Variants in CSNK2B observed in about 807,000 individuals in gnomAD.
CSNK2B encodes the protein casein kinase II subunit beta.
A neutral mutation model predicts 28.8 loss-of-function variants in CSNK2B; 2 were observed. The observed-to-expected ratio is 0.07, with a 90% CI of 0.03 to 0.22. The LOEUF (loss-of-function observed/expected upper bound fraction) is 0.22, where lower values mean the gene tolerates loss of function less well. Ranked by LOEUF, CSNK2B falls within the 10% of genes least tolerant of loss-of-function variation. The pLI is 1.00. For synonymous variants in CSNK2B, 89 were observed against 96.1 expected, an observed-to-expected ratio of 0.93 and a Z score of 0.43; for missense variants, 107 against 277.9, an observed-to-expected ratio of 0.39 and a Z score of 4.37.
rs755230275 is a variant in CSNK2B, at chr6:31,669,054, C to T, written c.292-43C>T. Reference sequence around the variant, plus strand: ...TGGGCTGCGAAGGGAGTTGCCTCTTCTTTACATCTACCTGCCAACCCCTTC... The same window carrying T: ...TGGGCTGCGAAGGGAGTTGCCTCTTTTTTACATCTACCTGCCAACCCCTTC... On this transcript the variant is annotated intron_variant, in intron 4 of 6. Transcript: ENST00000375882. This position sits in a 1 kb window ranked among gnomAD's most constrained non-coding sequence, Gnocchi z 4.8. 2 of 1,529,966 alleles carry T rather than the reference C, an allele frequency of 1.3e-6. No homozygotes were observed. Among genetic ancestry groups the T allele is most frequent in the Non-Finnish European group, 1.8e-6 (2 of 1,104,590 alleles). 94.8% of individuals were successfully genotyped at this position (1,529,966 alleles called of 1,614,324 possible). A position where few individuals can be genotyped will look rare whatever the true frequency, so the allele number is the denominator to read the frequency against.
intron 1 of CSNK2B, 25 bp downstream of exon 1, chr6:31,666,233 C>T (rs1248557177): frequency 8.2e-6 from 8 of 980,180 alleles, no homozygotes; most frequent in Non-Finnish European, 9.7e-6. Flanking sequence ...GTCGCTGCTC[C>T]GAGTCCCTTG....
chr6:31,666,746 C>T (rs1801741539), intron 1 of CSNK2B, 75 bp from the exon 2 acceptor site: 5 of 1,240,926 alleles, frequency 4.0e-6, no homozygotes, highest in East Asian at 2.3e-5. Context: ...GTTGGAGGGC[C>T]GAATGTGGGA....
At chr6:31,667,169 T>C in intron 2 of CSNK2B, 1 of 631,930 alleles carries the variant, frequency 1.6e-6, no homozygotes, top group South Asian at 1.5e-5. Flanking sequence ...TCTCACTCTG[T>C]CACCGAGGCT....
In CSNK2B at chr6:31,669,520, G is replaced by C. The variant is rs1802032502; in HGVS notation, c.557+12G>C. On this transcript the variant is annotated intron_variant, in intron 6 of 6. Coordinates refer to ENST00000375882, the MANE Select transcript of CSNK2B (RefSeq NM_001320.7). The surrounding 1 kb of genome is among the most constrained non-coding windows in gnomAD (Gnocchi z 4.8). ...CAGTTTGTGCCCAGGTAGGGAGCAG[G>C]GAGAGTCATTAAGGGTCAAAGGAAA... 1 of 1,604,224 alleles carries C rather than the reference G, an allele frequency of 6.2e-7. No homozygotes were observed. Among genetic ancestry groups the C allele is most frequent in the African/African-American group, 1.3e-5 (1 of 74,932 alleles).
In CSNK2B at chr6:31,670,027, T is replaced by C. The variant is rs1802077256; in HGVS notation, c.*101T>C. 5 of 949,438 alleles carry C rather than the reference T, an allele frequency of 5.3e-6. No individual in the cohort carries two copies. Among genetic ancestry groups the C allele is most frequent in the East Asian group, 2.7e-5 (1 of 36,506 alleles). 58.8% of individuals were successfully genotyped at this position (949,438 alleles called of 1,614,324 possible). The stretch of plus-strand genomic sequence containing the variant: ...TTTTAGTTTAAATTAAAGGAGTCGT[T>C]ATCGTGGTGGGAATATGAAATAAAG... On this transcript the variant is annotated 3_prime_UTR_variant, in exon 7 of 7. Coordinates refer to ENST00000375882, the MANE Select transcript of CSNK2B (RefSeq NM_001320.7).
chr6:31,666,150 C>T lies in CSNK2B; in HGVS notation c.-70C>T. 1 of 991,086 alleles carries T rather than the reference C, an allele frequency of 1.0e-6. No individual in the cohort carries two copies. The highest frequency in any genetic ancestry group is 1.2e-6 in the Non-Finnish European group (1 of 832,596). The allele number at this position is 991,086 out of a possible 1,614,324, so 61.4% of individuals were successfully genotyped here. A position where few individuals can be genotyped will look rare whatever the true frequency, so the allele number is the denominator to read the frequency against. On this transcript the variant is annotated 5_prime_UTR_variant, in exon 1 of 7. Coordinates refer to ENST00000375882, the MANE Select transcript of CSNK2B (RefSeq NM_001320.7). Reference sequence around the variant, plus strand: ...GCGGCCTGCGCTGTAGCGGTCGCCGCCGTTCCCTGGAAGTAGCAACTTCCC... The same window carrying T: ...GCGGCCTGCGCTGTAGCGGTCGCCGTCGTTCCCTGGAAGTAGCAACTTCCC...
intron 2 of CSNK2B, 108 bp downstream of exon 2, chr6:31,667,011 T>G: frequency 1.0e-6 from 1 of 982,138 alleles, no homozygotes; most frequent in Admixed American, 1.9e-5. Flanking sequence ...ATTTGAAAAC[T>G]TCCTATCAGC....
Position 31,669,611 on chromosome 6 carries a change from A to G in CSNK2B, c.557+103A>G. On this transcript the variant is annotated intron_variant, in intron 6 of 6. Coordinates refer to ENST00000375882, the MANE Select transcript of CSNK2B (RefSeq NM_001320.7). This position sits in a 1 kb window ranked among gnomAD's most constrained non-coding sequence, Gnocchi z 4.8. The stretch of plus-strand genomic sequence containing the variant: ...CTTTCTTGAGGTCTGCTTCTCCCAG[A>G]ATCAGGGCATCTCCCTGCTGAGTGA... 7.7e-7 allele frequency: 1 copy of G among 1,300,710 alleles called. No individual in the cohort carries two copies. Among genetic ancestry groups the G allele is most frequent in the Non-Finnish European group, 1.1e-6 (1 of 942,566 alleles). 80.6% of individuals were successfully genotyped at this position (1,300,710 alleles called of 1,614,324 possible).
chr6:31,667,861 C>A lies in CSNK2B; in HGVS notation c.73-7C>A, dbSNP rs1364555984. The A allele has an allele frequency of 6.7e-7, 1 of 1,481,934 alleles. No homozygotes were observed. Among genetic ancestry groups the A allele is most frequent in the East Asian group, 2.4e-5 (1 of 41,198 alleles). 91.8% of individuals were successfully genotyped at this position (1,481,934 alleles called of 1,614,324 possible). On this transcript the variant is annotated splice_polypyrimidine_tract_variant and splice_region_variant and intron_variant, in intron 2 of 6. Coordinates refer to ENST00000375882, the MANE Select transcript of CSNK2B (RefSeq NM_001320.7). ...TGGGTTCCCTCTTGGCTTCCATGTCCTGACAGGTGGATGAAGACTACATCC... is the reference window on the plus strand; with the variant it reads ...TGGGTTCCCTCTTGGCTTCCATGTCATGACAGGTGGATGAAGACTACATCC...
intron 1 of CSNK2B, 47 bp downstream of exon 1, chr6:31,666,255 GGC>G: frequency 1.1e-6 from 1 of 922,108 alleles, no homozygotes; most frequent in Non-Finnish European, 1.3e-6. Context: ...CGCTGGGAGC[GGC>G]ACATGGGGTC....
Position 31,669,610 on chromosome 6 carries a change from G to T in CSNK2B, c.557+102G>T. 7.6e-7 allele frequency: 1 copy of T among 1,312,056 alleles called. No individual in the cohort carries two copies. The highest frequency in any genetic ancestry group is 1.4e-5 in the South Asian group (1 of 73,350). The allele number at this position is 1,312,056 out of a possible 1,614,324, so 81.3% of individuals were successfully genotyped here. On this transcript the variant is annotated intron_variant, in intron 6 of 6. Coordinates refer to ENST00000375882, the MANE Select transcript of CSNK2B (RefSeq NM_001320.7). This position sits in a 1 kb window ranked among gnomAD's most constrained non-coding sequence, Gnocchi z 4.8. ...CCTTTCTTGAGGTCTGCTTCTCCCA[G>T]AATCAGGGCATCTCCCTGCTGAGTG...
At chr6:31,667,066 C>G (rs1443913201) in intron 2 of CSNK2B, 163 bp downstream of exon 2, 1 of 720,676 alleles carries the variant, frequency 1.4e-6, no homozygotes, top group Admixed American at 2.0e-5. Flanking sequence ...GCTAAAGTGG[C>G]AAAACTGGGG....
intron 3 of CSNK2B, 185 bp from the exon 4 acceptor site, chr6:31,668,354 A>C: frequency 1.6e-6 from 1 of 610,114 alleles, no homozygotes; most frequent in South Asian, 2.0e-5. Flanking sequence ...GGGAAGGCAG[A>C]GCTGTCTTCG....
Position 31,669,524 on chromosome 6 carries a change from A to C in CSNK2B, c.557+16A>C. 1.2e-6 allele frequency: 2 copies of C among 1,602,776 alleles called. No homozygotes were observed. Among genetic ancestry groups the C allele is most frequent in the East Asian group, 2.2e-5 (1 of 44,872 alleles). On this transcript the variant is annotated intron_variant, in intron 6 of 6. Transcript: ENST00000375882. The surrounding 1 kb of genome is among the most constrained non-coding windows in gnomAD (Gnocchi z 4.8). ...TTGTGCCCAGGTAGGGAGCAGGGAG[A>C]GTCATTAAGGGTCAAAGGAAAGGCC... is the stretch of plus-strand genomic sequence containing the variant.
chr6:31,669,522 A>G lies in CSNK2B; in HGVS notation c.557+14A>G, dbSNP rs777566122. The G allele has an allele frequency of 3.6e-5, 57 of 1,602,828 alleles. No homozygotes were observed. In the Middle Eastern group the frequency reaches 1.9e-3, roughly 52 times the overall value. On this transcript the variant is annotated intron_variant, in intron 6 of 6. Transcript: ENST00000375882. The surrounding 1 kb of genome is among the most constrained non-coding windows in gnomAD (Gnocchi z 4.8). ...GTTTGTGCCCAGGTAGGGAGCAGGG[A>G]GAGTCATTAAGGGTCAAAGGAAAGG...
At chr6:31,667,441 T>C in intron 2 of CSNK2B, 1 of 331,630 alleles carries the variant, frequency 3.0e-6, no homozygotes, top group South Asian at 2.6e-5. Flanking sequence ...CTGTATCTTT[T>C]GTTACTAAAG....
intron 2 of CSNK2B, among the ~76,000 whole-genome samples, chr6:31,667,547 C>T (rs571899833): frequency 6.6e-6 from 1 of 152,350 alleles, no homozygotes; most frequent in African/African-American, 2.4e-5. Flanking sequence ...TCAGCTTCCA[C>T]CTTCCTTAGC....
In CSNK2B at chr6:31,669,584, C is replaced by T; in HGVS notation, c.557+76C>T. On this transcript the variant is annotated intron_variant, in intron 6 of 6. Coordinates refer to ENST00000375882, the MANE Select transcript of CSNK2B (RefSeq NM_001320.7). This position sits in a 1 kb window ranked among gnomAD's most constrained non-coding sequence, Gnocchi z 4.8. ...CCAGAGAGGGGAGGACAGGGCATGG[C>T]CCTTTCTTGAGGTCTGCTTCTCCCA... 6.7e-7 allele frequency: 1 copy of T among 1,491,662 alleles called. No homozygotes were observed. Among genetic ancestry groups the T allele is most frequent in the Non-Finnish European group, 9.0e-7 (1 of 1,106,750 alleles). 92.4% of individuals were successfully genotyped at this position (1,491,662 alleles called of 1,614,324 possible). A position where few individuals can be genotyped will look rare whatever the true frequency, so the allele number is the denominator to read the frequency against.
Position 31,669,274 on chromosome 6 carries a change from A to G in CSNK2B, c.368-45A>G. The G allele has an allele frequency of 6.2e-7, 1 of 1,602,728 alleles. No individual in the cohort carries two copies. Among genetic ancestry groups the G allele is most frequent in the South Asian group, 1.1e-5 (1 of 90,652 alleles). On this transcript the variant is annotated intron_variant, in intron 5 of 6. Transcript: ENST00000375882. This position sits in a 1 kb window ranked among gnomAD's most constrained non-coding sequence, Gnocchi z 4.8. The stretch of plus-strand genomic sequence containing the variant: ...CCTGAGTCCTGAGGGGAGGTTAGGT[A>G]GGAATAGGGGGATACCTGGCCTGCT...
Sources: gnomAD v4.1 joint callset for allele counts (sites outside exome capture counted in the v4.1 genomes callset) on GRCh38, gnomAD v4.1.1 for gene constraint, Gnocchi (gnomAD v3.1) non-coding constraint, MANE v1.5 for transcripts, NCBI Gene and HGNC (gene_info 2026-07-23, HGNC 2026-07-21) for gene names.